SPRY4: variants seen among roughly 807,000 people sequenced by gnomAD.
SPRY4 encodes sprouty RTK signaling antagonist 4.
Under a neutral mutation model 17.0 loss-of-function variants are expected in SPRY4, and 7 were observed. The ratio of observed to expected loss-of-function variants is 0.41; its 90% CI spans 0.23 to 0.77. SPRY4 has a LOEUF of 0.77. Among genes scored for constraint, SPRY4 ranks in the 30% least tolerant of loss-of-function variants. SPRY4 has a pLI of 0.32. For missense variants in SPRY4, 435 were observed against 419.9 expected (o/e 1.04, Z -0.31); for synonymous variants, 183 against 174.1 (o/e 1.05, Z -0.40).
intron 1 of SPRY4, chr5:142,318,142 C>A: frequency 1.0e-6 from 1 of 984,922 alleles, no homozygotes. Context: ...ATTTAAGAAC[C>A]CCTCAGCACA....
At chr5:142,317,759 C>T in intron 1 of SPRY4, 1 of 985,204 alleles carries the variant, frequency 1.0e-6, no homozygotes. Flanking sequence ...TGGAAAAGTC[C>T]CACCAGGAAG....
Position 142,314,341 on chromosome 5 carries a change from G to A in SPRY4, c.768C>T (p.Gly256=). The A allele has an allele frequency of 6.2e-7, 1 of 1,614,082 alleles. No homozygotes were observed. The highest frequency in any genetic ancestry group is 8.5e-7 in the Non-Finnish European group (1 of 1,179,992). The part of the protein sequence containing the change: ...PCLLCYLPAT[G]CVKLAQRGYD... ...AGCCACGCTGGGCCAGCTTCACGCAGCCGGTGGCAGGCAGGTAGCAGAGCA... is the reference window on the plus strand; with the variant it reads ...AGCCACGCTGGGCCAGCTTCACGCAACCGGTGGCAGGCAGGTAGCAGAGCA... Residue 256 remains glycine (G), a synonymous_variant, in exon 2 of 2, where the codon GGC becomes GGT. Transcript: ENST00000434127. This position sits in a 1 kb window ranked among gnomAD's most constrained non-coding sequence, Gnocchi z 4.8.
intron 1 of SPRY4, chr5:142,319,852 C>T: frequency 6.6e-7 from 1 of 1,506,460 alleles, no homozygotes; most frequent in South Asian, 1.3e-5. Flanking sequence ...ATGCCTAATC[C>T]CACCCACCCA....
rs1260448170 is a variant in SPRY4, at chr5:142,311,116, C to G, written c.*3093G>C. On this transcript the variant is annotated 3_prime_UTR_variant, in exon 2 of 2. Transcript: ENST00000434127. ...GAACTAGCCATGTCTTCCATCTCAGCTCTGAGGGGGTGCGTACCAAAGGAC... is the reference window on the plus strand; with the variant it reads ...GAACTAGCCATGTCTTCCATCTCAGGTCTGAGGGGGTGCGTACCAAAGGAC... 1 of 152,230 alleles carries G rather than the reference C, an allele frequency of 6.6e-6. No individual in the cohort carries two copies. The highest frequency in any genetic ancestry group is 6.5e-5 in the Admixed American group (1 of 15,288). 9.4% of individuals were successfully genotyped at this position (152,230 alleles called of 1,614,324 possible).
At chr5:142,315,699 T>TA (rs1248792634) in intron 1 of SPRY4, 3 of 152,866 alleles carry the variant, frequency 2.0e-5, no homozygotes, top group Non-Finnish European at 4.4e-5. Flanking sequence ...CTCTATGCCT[T>TA]AGATTTTGGT....
At chr5:142,318,271 G>A in intron 1 of SPRY4, 1 of 739,574 alleles carries the variant, frequency 1.4e-6, no homozygotes, top group Non-Finnish European at 1.7e-6. Flanking sequence ...GATCACTTGA[G>A]GTCAGGAGTT....
rs1759112972 is a variant in SPRY4, at chr5:142,315,264, A to G, written c.-47-109T>C. The G allele has an allele frequency of 1.6e-5, 11 of 674,498 alleles. No individual in the cohort carries two copies. In the Admixed American group the frequency reaches 3.2e-4, roughly 20 times the overall value. The allele number at this position is 674,498 out of a possible 1,614,324, so 41.8% of individuals were successfully genotyped here. A position where few individuals can be genotyped will look rare whatever the true frequency, so the allele number is the denominator to read the frequency against. ...TCCTTGGGAGCCGCCCAATTGACATAGGAACTAAAATCCCTCTGTGGACTT... is the reference window on the plus strand; with the variant it reads ...TCCTTGGGAGCCGCCCAATTGACATGGGAACTAAAATCCCTCTGTGGACTT... On this transcript the variant is annotated intron_variant, in intron 1 of 1. Coordinates refer to ENST00000434127, the MANE Select transcript of SPRY4 (RefSeq NM_001127496.3).
At chr5:142,317,133 T>A in intron 1 of SPRY4, 3 of 985,468 alleles carry the variant, frequency 3.0e-6, no homozygotes, top group Non-Finnish European at 3.6e-6. Context: ...GATCCTGTGG[T>A]CAGGGCTGGA....
intron 1 of SPRY4, 108 bp from the exon 2 acceptor site, chr5:142,315,263 T>C (rs1157124284): frequency 2.9e-6 from 2 of 682,530 alleles, no homozygotes; most frequent in Non-Finnish European, 4.8e-6. Context: ...CCAATTGACA[T>C]AGGAACTAAA....
chr5:142,320,942 TC>T (rs1471955897), intron 1 of SPRY4, among the ~76,000 whole-genome samples: 1 of 152,110 alleles, frequency 6.6e-6, no homozygotes, highest in Non-Finnish European at 1.5e-5. Flanking sequence ...CCCCTTCCCT[TC>T]TCCGCCAGAT....
chr5:142,314,096 G>T lies in SPRY4; in HGVS notation c.*113C>A. 1 of 1,159,822 alleles carries T rather than the reference G, an allele frequency of 8.6e-7. No individual in the cohort carries two copies. The highest frequency in any genetic ancestry group is 1.5e-5 in the African/African-American group (1 of 64,782). The allele number at this position is 1,159,822 out of a possible 1,614,324, so 71.8% of individuals were successfully genotyped here. On this transcript the variant is annotated 3_prime_UTR_variant, in exon 2 of 2. Coordinates refer to ENST00000434127, the MANE Select transcript of SPRY4 (RefSeq NM_001127496.3). This position sits in a 1 kb window ranked among gnomAD's most constrained non-coding sequence, Gnocchi z 4.8. ...CGAAGCTGGGGGTAGGGAGTGGGCA[G>T]ACTAGCAAGGTCAGCCTCAGGAGGC...
At chr5:142,324,142 G>A (rs889301709) in intron 1 of SPRY4, 2 of 152,312 alleles carry the variant, frequency 1.3e-5, no homozygotes, top group Non-Finnish European at 2.9e-5. Context: ...CAGAGGCCAG[G>A]CAAGAAAAAG....
Position 142,315,037 on chromosome 5 carries a change from G to T in SPRY4, c.72C>A (p.Ser24Arg). ...GCTGGAGCCGGCTGTGGGACATCCG[G>T]CTGTCAAGAAGGGGCTGGACCATGA... Reference protein sequence around the residue: ...NSVMVQPLLDSRMSHSRLQHP... With the variant: ...NSVMVQPLLDRRMSHSRLQHP... Residue 24 changes from serine to arginine, a missense_variant, in exon 2 of 2, where the codon AGC becomes AGA. By Grantham distance (110) the Ser-to-Arg change is moderately radical. Transcript: ENST00000434127. 1 of 1,613,730 alleles carries T rather than the reference G, an allele frequency of 6.2e-7. No homozygotes were observed. The highest frequency in any genetic ancestry group is 8.5e-7 in the Non-Finnish European group (1 of 1,180,006).
chr5:142,321,629 C>A (rs779855953), intron 1 of SPRY4, among the ~76,000 whole-genome samples: 1 of 152,182 alleles, frequency 6.6e-6, no homozygotes, highest in African/African-American at 2.4e-5. Flanking sequence ...GAGGCCTGGG[C>A]GAGAATCCTT....
In SPRY4 at chr5:142,314,261, C is replaced by T. The variant is rs1474056013; in HGVS notation, c.848G>A (p.Cys283Tyr). 6.2e-7 allele frequency: 1 copy of T among 1,613,126 alleles called. No homozygotes were observed. Among genetic ancestry groups the T allele is most frequent in the African/African-American group, 1.3e-5 (1 of 75,062 alleles). The stretch of plus-strand genomic sequence containing the variant: ...CTTGGCATCCCCGCTGGCTGCTTTG[C>T]AGATGACGCTGTTCGTGTGCTTGCA... ...CRCKHTNSVI[C>Y]KAASGDAKTS... The change falls in exon 2 of 2, where the codon TGC becomes TAC. Residue 283 changes from cysteine to tyrosine, a missense_variant. Transcript: ENST00000434127. This position sits in a 1 kb window ranked among gnomAD's most constrained non-coding sequence, Gnocchi z 4.8.
At position 142,311,981 on chromosome 5, in the gene SPRY4, C is replaced by T. The variant is rs1758935882; in HGVS notation, c.*2228G>A. 7.6e-6 allele frequency: 1 copy of T among 131,758 alleles called. No individual in the cohort carries two copies. Among genetic ancestry groups the T allele is most frequent in the South Asian group, 2.4e-4 (1 of 4,172 alleles). The allele number at this position is 131,758 out of a possible 1,614,324, so 8.2% of individuals were successfully genotyped here. A position where few individuals can be genotyped will look rare whatever the true frequency, so the allele number is the denominator to read the frequency against. Reference sequence around the variant, plus strand: ...GTGTGTATACACAGCTTATGTAAATCGACTCTCCACAGAACGGGTGTGTAG... The same window carrying T: ...GTGTGTATACACAGCTTATGTAAATTGACTCTCCACAGAACGGGTGTGTAG... On this transcript the variant is annotated 3_prime_UTR_variant, in exon 2 of 2. Coordinates refer to ENST00000434127, the MANE Select transcript of SPRY4 (RefSeq NM_001127496.3).
In SPRY4 at chr5:142,320,427, T is replaced by C. The variant is rs566229483; in HGVS notation, c.-48+4417A>G. Among the ~76,000 whole-genome samples the C allele has an allele frequency of 3.6e-4, 54 of 152,008 alleles. 1 individual carries two copies. The highest frequency in any genetic ancestry group is 3.5e-3 in the Admixed American group (54 of 15,252). On this transcript the variant is annotated intron_variant, in intron 1 of 1. Transcript: ENST00000434127. The stretch of plus-strand genomic sequence containing the variant: ...AAAACGGTTGTTTTTCATCACTTCA[T>C]CCCACCACATTACCGATTCCCAACC...
At chr5:142,316,342 A>G (rs1236074869) in intron 1 of SPRY4, among the ~76,000 whole-genome samples, 1 of 152,156 alleles carries the variant, frequency 6.6e-6, no homozygotes, top group Non-Finnish European at 1.5e-5. Context: ...ATTGTTTTCT[A>G]TTAGAAGTGC....
chr5:142,319,563 C>T (rs1055785505), intron 1 of SPRY4, among the ~76,000 whole-genome samples: 1 of 152,162 alleles, frequency 6.6e-6, no homozygotes, highest in African/African-American at 2.4e-5. Flanking sequence ...CCTAGGGTAC[C>T]TTCATTGATG....
Sources: gnomAD v4.1 joint callset for allele counts (sites outside exome capture counted in the v4.1 genomes callset) on GRCh38, gnomAD v4.1.1 for gene constraint, Gnocchi (gnomAD v3.1) non-coding constraint, MANE v1.5 for transcripts, NCBI Gene and HGNC (gene_info 2026-07-23, HGNC 2026-07-21) for gene names.